Variants in AGFG1 observed in about 807,000 individuals in gnomAD.
AGFG1 encodes arf-GAP domain and FG repeat-containing protein 1.
In AGFG1, 10 loss-of-function variants were observed where a neutral mutation model predicts 60.6. The observed-to-expected ratio is 0.16, with a 90% CI of 0.10 to 0.28. The LOEUF (loss-of-function observed/expected upper bound fraction) is 0.28, where lower values mean the gene tolerates loss of function less well. Among genes scored for constraint, AGFG1 ranks in the 10% least tolerant of loss-of-function variants. AGFG1 has a pLI of 1.00. For synonymous variants in AGFG1, 247 were observed against 242.9 expected, an observed-to-expected ratio of 1.02 and a Z score of -0.16; for missense variants, 537 against 676.5, an observed-to-expected ratio of 0.79 and a Z score of 2.29.
At position 227,519,068 on chromosome 2, in the gene AGFG1, A is replaced by T. The variant is rs534212860; in HGVS notation, c.262-880A>T. On this transcript the variant is annotated intron_variant, in intron 2 of 12. Coordinates refer to ENST00000310078, the MANE Select transcript of AGFG1 (RefSeq NM_004504.5). ...GCACTCCTGTAGTCCCAGCTTACTC[A>T]GGAGGCTGAAGTGGGAGGATGGCTT... 9.2e-5 allele frequency among the ~76,000 whole-genome samples: 14 copies of T among 152,302 alleles called. No homozygotes were observed. In the East Asian group the frequency reaches 2.7e-3, roughly 30 times the overall value.
Position 227,536,890 on chromosome 2 carries a change from A to C in AGFG1, c.1286-11A>C, listed in dbSNP as rs1553549241. ...TTAGGATTTTATAGTGTATTTTATA[A>C]TTTTTTAAAGCTACGCCTTCCACAA... On this transcript the variant is annotated splice_polypyrimidine_tract_variant and intron_variant, in intron 9 of 12. Coordinates refer to ENST00000310078, the MANE Select transcript of AGFG1 (RefSeq NM_004504.5). 6.2e-7 allele frequency: 1 copy of C among 1,608,606 alleles called. No individual in the cohort carries two copies. Among genetic ancestry groups the C allele is most frequent in the Non-Finnish European group, 8.5e-7 (1 of 1,177,474 alleles).
intron 6 of AGFG1, chr2:227,532,110 A>T: frequency 6.6e-7 from 1 of 1,511,000 alleles, no homozygotes; most frequent in Admixed American, 2.2e-5. Context: ...TTTAACTTTC[A>T]TCATTTACAT....
chr2:227,523,959 A>T lies in AGFG1; in HGVS notation c.540+34A>T, dbSNP rs189605232. The T allele has an allele frequency of 3.2e-6, 5 of 1,577,176 alleles. No individual in the cohort carries two copies. The African/African-American group carries it at 4.0e-5, about 13-fold the overall frequency. ...TCTTTGAATCTTTGTAGGGAATTCG[A>T]CTTAAAGAGGGCTTGAGTATCAAGA... On this transcript the variant is annotated intron_variant, in intron 4 of 12. Transcript: ENST00000310078.
At chr2:227,513,371 G>T (rs1691550555) in intron 2 of AGFG1, among the ~76,000 whole-genome samples, 1 of 152,180 alleles carries the variant, frequency 6.6e-6, no homozygotes, top group Non-Finnish European at 1.5e-5. Flanking sequence ...CTGCTTTCTA[G>T]TTGGGTTCAG....
In AGFG1 at chr2:227,557,152, T is replaced by A. The variant is rs1201346604; in HGVS notation, c.*2657T>A. On this transcript the variant is annotated 3_prime_UTR_variant, in exon 13 of 13. Coordinates refer to ENST00000310078, the MANE Select transcript of AGFG1 (RefSeq NM_004504.5). ...CAAATTTCCTGGCTTACTGGTTTAG[T>A]CACATCATTTTTCCTGTTCAGGTAT... The A allele has an allele frequency of 6.6e-6, 1 of 152,206 alleles. No homozygotes were observed. Among genetic ancestry groups the A allele is most frequent in the Non-Finnish European group, 1.5e-5 (1 of 68,038 alleles). 9.4% of individuals were successfully genotyped at this position (152,206 alleles called of 1,614,324 possible).
At chr2:227,545,870 G>C (rs1281857612) in intron 10 of AGFG1, among the ~76,000 whole-genome samples, 1 of 152,132 alleles carries the variant, frequency 6.6e-6, no homozygotes, top group Non-Finnish European at 1.5e-5. Flanking sequence ...TCTCAGAGGG[G>C]CACCTGGCTG....
chr2:227,473,039 A>G (rs1690158267), intron 1 of AGFG1, among the ~76,000 whole-genome samples: 1 of 99,356 alleles, frequency 1.0e-5, no homozygotes, highest in African/African-American at 4.0e-5. Flanking sequence ...GCGGCCCGGG[A>G]GCCGCGGTGC....
At chr2:227,503,235 C>T (rs1285635844) in intron 2 of AGFG1, among the ~76,000 whole-genome samples, 1 of 135,882 alleles carries the variant, frequency 7.4e-6, no homozygotes, top group Non-Finnish European at 1.6e-5. Context: ...GAAGTTGTCT[C>T]AATTAAAAAA....
At chr2:227,548,347 A>G (rs1349771869) in intron 10 of AGFG1, among the ~76,000 whole-genome samples, 3 of 152,216 alleles carry the variant, frequency 2.0e-5, no homozygotes, top group Admixed American at 6.5e-5. Context: ...TATGTGAACT[A>G]TATTTCAGAA....
Position 227,536,987 on chromosome 2 carries a change from G to C in AGFG1, c.1372G>C (p.Ala458Pro), listed in dbSNP as rs1339143200. ...TNPFQTNARG[A>P]TAATFGTASM... ...CCCATTTCAGACCAATGCCAGAGGA[G>C]CAACAGGTAAGAAAAAGAGACAGTG... Residue 458 changes from alanine to proline, a missense_variant, in exon 10 of 13, where the codon GCA becomes CCA. Transcript: ENST00000310078. The C allele has an allele frequency of 6.2e-7, 1 of 1,612,080 alleles. No individual in the cohort carries two copies. The highest frequency in any genetic ancestry group is 1.7e-5 in the Admixed American group (1 of 59,884).
intron 2 of AGFG1, among the ~76,000 whole-genome samples, chr2:227,503,781 T>C (rs956781115): frequency 6.6e-6 from 1 of 152,232 alleles, no homozygotes; most frequent in Non-Finnish European, 1.5e-5. Context: ...AATTGTACTT[T>C]TCAGGGAATT....
chr2:227,514,240 C>G (rs953248563), intron 2 of AGFG1, among the ~76,000 whole-genome samples: 1 of 152,166 alleles, frequency 6.6e-6, no homozygotes, highest in Non-Finnish European at 1.5e-5. Flanking sequence ...TTGAGACAGT[C>G]TTGCTCTGTC....
chr2:227,482,632 G>C (rs1443979908), intron 1 of AGFG1, among the ~76,000 whole-genome samples: 1 of 152,164 alleles, frequency 6.6e-6, no homozygotes, highest in Non-Finnish European at 1.5e-5. Context: ...ATTTTTACCA[G>C]CTTCTCCCAC....
intron 10 of AGFG1, among the ~76,000 whole-genome samples, chr2:227,541,057 C>T (rs1322365592): frequency 6.6e-6 from 1 of 151,830 alleles, no homozygotes; most frequent in Non-Finnish European, 1.5e-5. Flanking sequence ...GATTTTTTTT[C>T]TTGTAAATTT....
chr2:227,530,191 C>T (rs1166665828), intron 5 of AGFG1, among the ~76,000 whole-genome samples: 1 of 152,150 alleles, frequency 6.6e-6, no homozygotes, highest in Non-Finnish European at 1.5e-5. Context: ...ATTCAAGAAA[C>T]AGCTTTACCA....
At chr2:227,474,899 T>C (rs1189079788) in intron 1 of AGFG1, among the ~76,000 whole-genome samples, 2 of 152,186 alleles carry the variant, frequency 1.3e-5, no homozygotes, top group Non-Finnish European at 2.9e-5. Flanking sequence ...TATGAAACAG[T>C]GAGGATAAGA....
chr2:227,497,735 G>GTTTTTTTTTTT lies in AGFG1; in HGVS notation c.261+6111_261+6121dup, dbSNP rs869114764. Among the ~76,000 whole-genome samples the GTTTTTTTTTTT allele has an allele frequency of 7.8e-4, 22 of 28,028 alleles. 4 individuals carry two copies. The highest frequency in any genetic ancestry group is 1.1e-3 in the Non-Finnish European group (16 of 14,030). 18.4% of individuals were successfully genotyped at this position (28,028 alleles called of 152,430 possible). On this transcript the variant is annotated intron_variant, in intron 2 of 12. Coordinates refer to ENST00000310078, the MANE Select transcript of AGFG1 (RefSeq NM_004504.5). ...GCCAAATGAGTTTCTTTCTTGTTTT[G>GTTTTTTTTTTT]TTTTTTTTTTTTTTTTTTTTTTTTT...
At chr2:227,529,822 A>G (rs1692107815) in intron 5 of AGFG1, among the ~76,000 whole-genome samples, 1 of 151,930 alleles carries the variant, frequency 6.6e-6, no homozygotes, top group African/African-American at 2.4e-5. Flanking sequence ...CCCTTTTTAA[A>G]GGGGATGTTC....
intron 2 of AGFG1, 104 bp from the exon 3 acceptor site, chr2:227,519,844 A>G (rs1161775005): frequency 6.4e-6 from 4 of 623,246 alleles, no homozygotes; most frequent in Middle Eastern, 4.3e-4. Flanking sequence ...TATTATTAAA[A>G]TTATTATGTA....
Sources: allele counts gnomAD v4.1 joint callset (sites outside exome capture counted in the v4.1 genomes callset), GRCh38; gene constraint gnomAD v4.1.1; transcripts MANE v1.5; gene names NCBI Gene and HGNC (gene_info 2026-07-23, HGNC 2026-07-21).